Variants in FBN3 observed in about 807,000 individuals in gnomAD.
The protein encoded by FBN3 is fibrillin 3.
In FBN3, 234 loss-of-function variants were observed where a neutral mutation model predicts 330.1. The observed-to-expected ratio is 0.71, with a 90% CI of 0.64 to 0.79. The LOEUF (loss-of-function observed/expected upper bound fraction) is 0.79, where lower values mean the gene tolerates loss of function less well. FBN3 is among the 30% of genes least tolerant of loss of function. FBN3 has a pLI of 0.00. For missense variants in FBN3, 3,606 were observed against 3,886.9 expected, an observed-to-expected ratio of 0.93 and a Z score of 1.92; for synonymous variants, 1,458 against 1,517.3, an observed-to-expected ratio of 0.96 and a Z score of 0.91.
chr19:8,137,707 C>T (rs945454085), intron 10 of FBN3, among the ~76,000 whole-genome samples: 1 of 152,072 alleles, frequency 6.6e-6, no homozygotes, highest in African/African-American at 2.4e-5. Flanking sequence ...CAGCTCACTG[C>T]AGCTTCCAAC....
chr19:8,129,282 T>G lies in FBN3; in HGVS notation c.2128A>C (p.Asn710His). 1 of 1,614,158 alleles carries G rather than the reference T, an allele frequency of 6.2e-7. No homozygotes were observed. The highest frequency in any genetic ancestry group is 8.5e-7 in the Non-Finnish European group (1 of 1,180,026). ...GAGGCACCTGCCTCATAACCCAGGT[T>G]GCAGACACAGCGGTAGCTGCCCCGA... ...NLRGSYRCVC[N>H]LGYEAGASGK... The change falls in exon 17 of 64, where the codon AAC (asparagine) becomes CAC (histidine). Residue 710 changes from asparagine to histidine, a missense_variant. Physicochemically the swap from Asn to His is moderately conservative, Grantham distance 68. Transcript: ENST00000600128. This position sits in a 1 kb window ranked among gnomAD's most constrained non-coding sequence, Gnocchi z 4.5.
Position 8,148,584 on chromosome 19 carries a change from C to T in FBN3, c.-18+865G>A, listed in dbSNP as rs3813772. 6.4e-4 allele frequency among the ~76,000 whole-genome samples: 98 copies of T among 152,252 alleles called. No homozygotes were observed. In the East Asian group the frequency reaches 0.015, roughly 23 times the overall value. ...GGAGGGAGAAGACCGGGACAGGAGA[C>T]GACCGTTTGGAGGGTGGAGGCAAAA... On this transcript the variant is annotated intron_variant, in intron 1 of 63. Transcript: ENST00000600128.
intron 3 of FBN3, 129 bp downstream of exon 3, chr19:8,146,975 C>T: frequency 1.2e-6 from 1 of 811,350 alleles, no homozygotes; most frequent in Non-Finnish European, 2.0e-6. Flanking sequence ...GACGCAGATG[C>T]AAGGGCCATT....
chr19:8,129,157 TGGGGTG>T lies in FBN3; in HGVS notation c.2171-10_2171-5del. On this transcript the variant is annotated splice_region_variant and splice_polypyrimidine_tract_variant and intron_variant, in intron 17 of 63. Coordinates refer to ENST00000600128, the MANE Select transcript of FBN3 (RefSeq NM_032447.5). The surrounding 1 kb of genome is among the most constrained non-coding windows in gnomAD (Gnocchi z 4.5). Reference sequence around the variant, plus strand: ...TTGAGGGCACACTCATCCACGTCTGTGGGGTGGGGGTGGGAGAGAGGGGTGAGGGGT... The same window carrying T: ...TTGAGGGCACACTCATCCACGTCTGTGGGGTGGGAGAGAGGGGTGAGGGGT... 6.4e-7 allele frequency: 1 copy of T among 1,567,006 alleles called. No homozygotes were observed. Among genetic ancestry groups the T allele is most frequent in the Non-Finnish European group, 8.7e-7 (1 of 1,154,872 alleles).
Position 8,121,245 on chromosome 19 carries a change from G to A in FBN3, c.3211+13C>T, listed in dbSNP as rs199554751. On this transcript the variant is annotated intron_variant, in intron 25 of 63. Coordinates refer to ENST00000600128, the MANE Select transcript of FBN3 (RefSeq NM_032447.5). The surrounding 1 kb of genome is among the most constrained non-coding windows in gnomAD (Gnocchi z 4.5). ...CAGGGCGCCCACCACACCCCTGCCC[G>A]GCAGTCACCGACCCATGCAGTTCTT... The A allele has an allele frequency of 2.6e-4, 403 of 1,575,416 alleles. 1 individual carries two copies. In the African/African-American group the frequency reaches 4.3e-3, roughly 17 times the overall value.
Position 8,146,120 on chromosome 19 carries a change from C to A in FBN3, c.349+7G>T. 1.9e-6 allele frequency: 3 copies of A among 1,581,756 alleles called. No homozygotes were observed. The highest frequency in any genetic ancestry group is 2.6e-6 in the Non-Finnish European group (3 of 1,164,868). On this transcript the variant is annotated splice_region_variant and intron_variant, in intron 4 of 63. Coordinates refer to ENST00000600128, the MANE Select transcript of FBN3 (RefSeq NM_032447.5). The stretch of plus-strand genomic sequence containing the variant: ...CTCCCTCCCGCAAGAGGCCGCTTCC[C>A]GCTCACCTCGGCTCACCCCGCAGCT...
Position 8,101,087 on chromosome 19 carries a change from C to CT in FBN3, c.5090-116dup. 4 of 702,932 alleles carry CT rather than the reference C, an allele frequency of 5.7e-6. No individual in the cohort carries two copies. The South Asian group carries it at 5.8e-5, about 10-fold the overall frequency. The allele number at this position is 702,932 out of a possible 1,614,324, so 43.5% of individuals were successfully genotyped here. A position where few individuals can be genotyped will look rare whatever the true frequency, so the allele number is the denominator to read the frequency against. ...CCAGCCCTCACCTGGCCACCTTGAACTTTTTTTGCTCTCCCCACCCTTTCC... is the reference window on the plus strand; with the variant it reads ...CCAGCCCTCACCTGGCCACCTTGAACTTTTTTTTGCTCTCCCCACCCTTTCC... On this transcript the variant is annotated intron_variant, in intron 40 of 63. Coordinates refer to ENST00000600128, the MANE Select transcript of FBN3 (RefSeq NM_032447.5).
rs147989381 is a variant in FBN3, at chr19:8,102,808, C to T, written c.5005G>A (p.Val1669Met). 1.4e-4 allele frequency: 223 copies of T among 1,613,986 alleles called. No homozygotes were observed. The highest frequency in any genetic ancestry group is 1.6e-4 in the Middle Eastern group (1 of 6,076). Residue 1669 changes from valine (V) to methionine (M), a missense_variant, in exon 40 of 64, where the codon GTG becomes ATG. By Grantham distance (21) the Val-to-Met change is conservative. Transcript: ENST00000600128. ...GAGCAGCAACACATTTTCCGGGTCA[C>T]GTTGAAGGCCAGCTCATTTTGACAT... ...GTCQNELAFN[V>M]TRKMCCCSYN... is the part of the protein sequence containing the mutation.
intron 58 of FBN3, 59 bp downstream of exon 58, chr19:8,081,299 C>T: frequency 6.4e-7 from 1 of 1,554,918 alleles, no homozygotes; most frequent in Non-Finnish European, 8.7e-7. Context: ...TTGGGCATCC[C>T]TTTGGGGCCC....
Position 8,141,708 on chromosome 19 carries a change from G to A in FBN3, c.865+9C>T. The A allele has an allele frequency of 6.2e-7, 1 of 1,609,632 alleles. No individual in the cohort carries two copies. Among genetic ancestry groups the A allele is most frequent in the Non-Finnish European group, 8.5e-7 (1 of 1,177,290 alleles). ...GGAGGTCTCAGGTTGTCCCCCTCCA[G>A]TCACCCACCTTCACATGCGGCGCTG... is the stretch of plus-strand genomic sequence containing the variant. On this transcript the variant is annotated intron_variant, in intron 8 of 63. Coordinates refer to ENST00000600128, the MANE Select transcript of FBN3 (RefSeq NM_032447.5).
chr19:8,077,738 A>G (rs528766448), intron 59 of FBN3, among the ~76,000 whole-genome samples: 1 of 152,220 alleles, frequency 6.6e-6, no homozygotes, highest in East Asian at 1.9e-4. Flanking sequence ...CGGCTGCCTG[A>G]GCTGTCACTT....
Position 8,110,933 on chromosome 19 carries a change from T to G in FBN3, c.4245A>C (p.Ala1415=). ...VDECAQGNLC[A]FGSCENLPGM... is the part of the protein sequence containing the mutation. Reference sequence around the variant, plus strand: ...CAGGCAGGTTCTCACAGCTCCCAAATGCACAGAGGTTCCCTTGCGCACACT... The same window carrying G: ...CAGGCAGGTTCTCACAGCTCCCAAAGGCACAGAGGTTCCCTTGCGCACACT... The change falls in exon 34 of 64, where the codon GCA becomes GCC. Residue 1415 remains alanine, a synonymous_variant. Coordinates refer to ENST00000600128, the MANE Select transcript of FBN3 (RefSeq NM_032447.5). 6.2e-7 allele frequency: 1 copy of G among 1,614,198 alleles called. No homozygotes were observed. The highest frequency in any genetic ancestry group is 8.5e-7 in the Non-Finnish European group (1 of 1,180,032).
chr19:8,118,882 C>A lies in FBN3; in HGVS notation c.3337+15G>T. The A allele has an allele frequency of 1.2e-6, 2 of 1,604,160 alleles. No homozygotes were observed. The highest frequency in any genetic ancestry group is 1.1e-5 in the South Asian group (1 of 90,716). On this transcript the variant is annotated intron_variant, in intron 26 of 63. Transcript: ENST00000600128. The stretch of plus-strand genomic sequence containing the variant: ...GGGCTAACACTCACACTTGCACACC[C>A]AGATGCACACTTACCCTCACAGGCA...
In FBN3 at chr19:8,123,541, C is replaced by T. The variant is rs1404265758; in HGVS notation, c.3005G>A (p.Cys1002Tyr). ...VFPGLCTHGT[C>Y]RNTVGSFHCA... Reference sequence around the variant, plus strand: ...GTGGAAGCTGCCCACCGTGTTTCTGCAGGTACCGTGCGTGCAGAGGCCAGG... The same window carrying T: ...GTGGAAGCTGCCCACCGTGTTTCTGTAGGTACCGTGCGTGCAGAGGCCAGG... Residue 1002 changes from cysteine (C) to tyrosine (Y), a missense_variant, in exon 24 of 64, where the codon TGC becomes TAC. Physicochemically the swap from Cys to Tyr is radical, Grantham distance 194. Transcript: ENST00000600128. The T allele has an allele frequency of 6.2e-7, 1 of 1,614,196 alleles. No individual in the cohort carries two copies. Among genetic ancestry groups the T allele is most frequent in the Non-Finnish European group, 8.5e-7 (1 of 1,180,014 alleles).
At chr19:8,134,357 C>G (rs2083228186) in intron 13 of FBN3, among the ~76,000 whole-genome samples, 1 of 152,290 alleles carries the variant, frequency 6.6e-6, no homozygotes, top group Middle Eastern at 3.4e-3. Context: ...GAACCAGTGT[C>G]CTACTGAATG....
At chr19:8,134,660 G>A (rs1184099159) in intron 13 of FBN3, among the ~76,000 whole-genome samples, 3 of 152,158 alleles carry the variant, frequency 2.0e-5, no homozygotes, top group Admixed American at 6.5e-5. Context: ...ATGGCCGGGC[G>A]CAATGGCTCA....
At chr19:8,093,261 G>C (rs2082136366) in intron 47 of FBN3, among the ~76,000 whole-genome samples, 1 of 152,072 alleles carries the variant, frequency 6.6e-6, no homozygotes, top group South Asian at 2.1e-4. Flanking sequence ...GCTGAGGTGG[G>C]AGGATCGCTT....
In FBN3 at chr19:8,129,588, G is replaced by A. The variant is rs1042939106; in HGVS notation, c.2045-223C>T. ...TTTTTGCTGTGAGGGGCCATCCCAC[G>A]CATTTTAGGATGTCGAGCAGCTCCC... On this transcript the variant is annotated intron_variant, in intron 16 of 63. Coordinates refer to ENST00000600128, the MANE Select transcript of FBN3 (RefSeq NM_032447.5). The surrounding 1 kb of genome is among the most constrained non-coding windows in gnomAD (Gnocchi z 4.5). Among the ~76,000 whole-genome samples the A allele has an allele frequency of 2.0e-5, 3 of 152,138 alleles. No individual in the cohort carries two copies. Among genetic ancestry groups the A allele is most frequent in the Non-Finnish European group, 2.9e-5 (2 of 68,028 alleles).
In FBN3 at chr19:8,109,695, G is replaced by T; in HGVS notation, c.4392C>A (p.Pro1464=). Residue 1464 remains proline, a synonymous_variant, in exon 35 of 64, where the codon CCC becomes CCA. Transcript: ENST00000600128. This position sits in a 1 kb window ranked among gnomAD's most constrained non-coding sequence, Gnocchi z 5.2. ...NCINGVCINT[P]GSYLCSCPQD... ...GGGGGCAGCTGCAGAGGTAGCTGCC[G>T]GGGGTGTTAATGCACACGCCGTTGA... The T allele has an allele frequency of 6.4e-7, 1 of 1,561,392 alleles. No individual in the cohort carries two copies. The highest frequency in any genetic ancestry group is 1.4e-5 in the African/African-American group (1 of 73,232).
Sources: allele counts gnomAD v4.1 joint callset (sites outside exome capture counted in the v4.1 genomes callset), GRCh38; gene constraint gnomAD v4.1.1; non-coding constraint Gnocchi (gnomAD v3.1); transcripts MANE v1.5; gene names NCBI Gene and HGNC (gene_info 2026-07-23, HGNC 2026-07-21).